OTUD7A: variants seen among roughly 807,000 people sequenced by gnomAD.
OTUD7A encodes OTU domain-containing protein 7A.
Under a neutral mutation model 65.7 loss-of-function variants are expected in OTUD7A, and 12 were observed. That is an observed-to-expected ratio of 0.18 (90% CI 0.12 to 0.30). OTUD7A has a LOEUF of 0.30. Among genes scored for constraint, OTUD7A ranks in the 10% least tolerant of loss-of-function variants. The pLI is 1.00. For synonymous variants in OTUD7A, 641 were observed against 586.3 expected (o/e 1.09, Z -1.35); for missense variants, 1,148 against 1,304.8 (o/e 0.88, Z 1.85).
chr15:31,554,012 C>T (rs1888411183), intron 5 of OTUD7A, among the ~76,000 whole-genome samples: 1 of 152,168 alleles, frequency 6.6e-6, no homozygotes, highest in African/African-American at 2.4e-5. Flanking sequence ...TCCTGCCCTC[C>T]TTTCCAAATC....
chr15:31,642,092 C>G (rs1891533670), intron 3 of OTUD7A, among the ~76,000 whole-genome samples: 2 of 151,594 alleles, frequency 1.3e-5, no homozygotes, highest in African/African-American at 4.8e-5. Context: ...TCTTCTATTC[C>G]TAGTTTTCTG....
intron 3 of OTUD7A, among the ~76,000 whole-genome samples, chr15:31,593,579 T>TG (rs1889815572): frequency 6.6e-6 from 1 of 152,030 alleles, no homozygotes; most frequent in East Asian, 1.9e-4. Flanking sequence ...GGGTCTGCAG[T>TG]GAATGGGTCC....
chr15:31,491,456 C>G lies in OTUD7A; in HGVS notation c.1172-3890G>C, dbSNP rs1023751178. Among the ~76,000 whole-genome samples the G allele has an allele frequency of 2.6e-5, 4 of 152,082 alleles. No homozygotes were observed. The East Asian group carries it at 7.7e-4, about 29-fold the overall frequency. On this transcript the variant is annotated intron_variant, in intron 10 of 12. Coordinates refer to ENST00000307050, the MANE Select transcript of OTUD7A (RefSeq NM_001382637.1). ...CCTCAAGATAGGTTACTAGAAATGACACAAACTGAAACAGAAAAAAAGGAG... is the reference window on the plus strand; with the variant it reads ...CCTCAAGATAGGTTACTAGAAATGAGACAAACTGAAACAGAAAAAAAGGAG...
Position 31,476,920 on chromosome 15 carries a change from T to G in OTUD7A, c.*6374A>C, listed in dbSNP as rs372606395. 6.6e-6 allele frequency: 1 copy of G among 152,274 alleles called. No homozygotes were observed. The highest frequency in any genetic ancestry group is 2.4e-5 in the African/African-American group (1 of 41,478). The allele number at this position is 152,274 out of a possible 1,614,324, so 9.4% of individuals were successfully genotyped here. A position where few individuals can be genotyped will look rare whatever the true frequency, so the allele number is the denominator to read the frequency against. On this transcript the variant is annotated 3_prime_UTR_variant, in exon 13 of 13. Transcript: ENST00000307050. Reference sequence around the variant, plus strand: ...TCATCTGGCAGGGGCAGGAAGGTCATTGGAGGACCCACGCCTCCCCTGCTG... The same window carrying G: ...TCATCTGGCAGGGGCAGGAAGGTCAGTGGAGGACCCACGCCTCCCCTGCTG...
At position 31,851,114 on chromosome 15, in the gene OTUD7A, A is replaced by G. The variant is rs546420640; in HGVS notation, c.-100+19393T>C. Reference sequence around the variant, plus strand: ...TGGCAATATTAAAAAGACCAGGGTGATGAGAAATGAAGAGAATGTGTGTAA... The same window carrying G: ...TGGCAATATTAAAAAGACCAGGGTGGTGAGAAATGAAGAGAATGTGTGTAA... On this transcript the variant is annotated intron_variant, in intron 1 of 12. Coordinates refer to ENST00000307050, the MANE Select transcript of OTUD7A (RefSeq NM_001382637.1). Among the ~76,000 whole-genome samples the G allele has an allele frequency of 9.2e-5, 14 of 152,358 alleles. No homozygotes were observed. In the South Asian group the frequency reaches 2.9e-3, roughly 32 times the overall value.
intron 3 of OTUD7A, among the ~76,000 whole-genome samples, chr15:31,574,776 C>A (rs1422426265): frequency 6.6e-6 from 1 of 152,172 alleles, no homozygotes; most frequent in Non-Finnish European, 1.5e-5. Context: ...TACTTTTCTG[C>A]AAGCCTGCCT....
rs1276191332 is a variant in OTUD7A, at chr15:31,487,767, G to C, written c.1172-201C>G. Among the ~76,000 whole-genome samples the C allele has an allele frequency of 6.6e-6, 1 of 152,246 alleles. No homozygotes were observed. The highest frequency in any genetic ancestry group is 1.5e-5 in the Non-Finnish European group (1 of 68,046). ...TATTTATTGCGGACAGTGGAGAGCA[G>C]TTGGAAGCGTCACCTGGACCCTGGC... On this transcript the variant is annotated intron_variant, in intron 10 of 12. Transcript: ENST00000307050. The surrounding 1 kb of genome is among the most constrained non-coding windows in gnomAD (Gnocchi z 6.0).
rs538875277 is a variant in OTUD7A, at chr15:31,649,763, C to T, written c.151+5333G>A. 62 of 445,742 alleles carry T rather than the reference C, an allele frequency of 1.4e-4. 1 individual carries two copies. Among genetic ancestry groups the T allele is most frequent in the South Asian group, 6.9e-4 (44 of 63,386 alleles). The allele number at this position is 445,742 out of a possible 1,614,324, so 27.6% of individuals were successfully genotyped here. ...CACCCTCTGTCCCACTGGGTGCAGC[C>T]GGGACCCCTGGACAGCGTGCAGGCA... On this transcript the variant is annotated intron_variant, in intron 3 of 12. Transcript: ENST00000307050.
At chr15:31,745,482 C>A (rs1366341868) in intron 1 of OTUD7A, among the ~76,000 whole-genome samples, 5 of 152,136 alleles carry the variant, frequency 3.3e-5, no homozygotes, top group African/African-American at 1.2e-4. Context: ...GCTGCATTTT[C>A]ATGTGGGAAA....
chr15:31,630,342 G>C (rs1052367481), intron 3 of OTUD7A, among the ~76,000 whole-genome samples: 7 of 151,240 alleles, frequency 4.6e-5, no homozygotes, highest in Admixed American at 1.3e-4. Context: ...CCTTCATTTC[G>C]TGATGTACCC....
At chr15:31,668,028 G>T (rs7495597) in intron 1 of OTUD7A, among the ~76,000 whole-genome samples, 46,528 of 152,032 alleles carry the variant, frequency 0.31, 8,335 homozygotes, top group African/African-American at 0.49. Flanking sequence ...AGTCTGACAG[G>T]TTTTCCTTTA....
intron 3 of OTUD7A, among the ~76,000 whole-genome samples, chr15:31,627,141 C>G (rs1278318387): frequency 1.3e-5 from 2 of 151,772 alleles, no homozygotes; most frequent in East Asian, 1.9e-4. Flanking sequence ...GCACAATGTG[C>G]AGGTTTGTTA....
intron 5 of OTUD7A, among the ~76,000 whole-genome samples, chr15:31,548,483 T>G (rs1888208774): frequency 6.6e-6 from 1 of 152,136 alleles, no homozygotes; most frequent in East Asian, 1.9e-4. Context: ...TGAGCTGAAC[T>G]GAGGAGGTCT....
At chr15:31,710,404 A>G (rs1893411820) in intron 1 of OTUD7A, among the ~76,000 whole-genome samples, 1 of 150,586 alleles carries the variant, frequency 6.6e-6, no homozygotes, top group Non-Finnish European at 1.5e-5. Flanking sequence ...TCTGAAGGAC[A>G]GGCACCCACC....
Position 31,559,206 on chromosome 15 carries a change from A to G in OTUD7A, c.332-19T>C, listed in dbSNP as rs759808735. 1.9e-6 allele frequency: 3 copies of G among 1,608,080 alleles called. No individual in the cohort carries two copies. The highest frequency in any genetic ancestry group is 3.3e-5 in the Admixed American group (2 of 59,748). On this transcript the variant is annotated intron_variant, in intron 4 of 12. Coordinates refer to ENST00000307050, the MANE Select transcript of OTUD7A (RefSeq NM_001382637.1). ...CGCTTTTCTGCAGGGGGAGAAGGAAAGATAGCCCCAAGGGCTGAGTGGGTG... is the reference window on the plus strand; with the variant it reads ...CGCTTTTCTGCAGGGGGAGAAGGAAGGATAGCCCCAAGGGCTGAGTGGGTG...
At chr15:31,676,096 A>G (rs1388717734) in intron 1 of OTUD7A, among the ~76,000 whole-genome samples, 1 of 152,218 alleles carries the variant, frequency 6.6e-6, no homozygotes, top group Non-Finnish European at 1.5e-5. Context: ...CACACTTCAC[A>G]CATAAAGATA....
chr15:31,606,778 T>C (rs1167227024), intron 3 of OTUD7A, among the ~76,000 whole-genome samples: 4 of 152,258 alleles, frequency 2.6e-5, no homozygotes, highest in African/African-American at 9.6e-5. Context: ...CTTTTTTTCA[T>C]GTGTGAGTTA....
intron 1 of OTUD7A, among the ~76,000 whole-genome samples, chr15:31,868,889 A>G (rs953275976): frequency 6.6e-6 from 1 of 152,204 alleles, no homozygotes; most frequent in East Asian, 1.9e-4. Context: ...AAGAGATTGA[A>G]GTTCCTAACC....
chr15:31,739,320 A>G (rs781418027), intron 1 of OTUD7A, among the ~76,000 whole-genome samples: 1 of 152,176 alleles, frequency 6.6e-6, no homozygotes, highest in Non-Finnish European at 1.5e-5. Context: ...AAAGTATTGG[A>G]TTCAGTATAT....
Sources: gnomAD v4.1 joint callset for allele counts (sites outside exome capture counted in the v4.1 genomes callset) on GRCh38, gnomAD v4.1.1 for gene constraint, Gnocchi (gnomAD v3.1) non-coding constraint, MANE v1.5 for transcripts, NCBI Gene and HGNC (gene_info 2026-07-23, HGNC 2026-07-21) for gene names.